The following TMEM108 variants were observed in gnomAD, a reference collection of about 807,000 sequenced individuals.
TMEM108 encodes the protein transmembrane protein 108, also known as cancer/testis antigen 124.
A neutral mutation model predicts 35.1 loss-of-function variants in TMEM108; 12 were observed. The ratio of observed to expected loss-of-function variants is 0.34; its 90% CI spans 0.22 to 0.55. TMEM108 has a LOEUF of 0.55. Among genes scored for constraint, TMEM108 ranks in the 20% least tolerant of loss-of-function variants. The pLI, the probability that TMEM108 is intolerant of heterozygous loss-of-function variation, is 0.89. For synonymous variants in TMEM108, 287 were observed against 308.6 expected, an observed-to-expected ratio of 0.93 and a Z score of 0.73; for missense variants, 680 against 753.3, an observed-to-expected ratio of 0.90 and a Z score of 1.14.
At chr3:133,260,508 C>A (rs1224733875) in intron 3 of TMEM108, among the ~76,000 whole-genome samples, 2 of 152,066 alleles carry the variant, frequency 1.3e-5, no homozygotes, top group Non-Finnish European at 2.9e-5. Context: ...GAAGTAGGGA[C>A]CTGCCTGAGA....
In TMEM108 at chr3:133,156,917, G is replaced by A. The variant is rs142276687; in HGVS notation, c.-46-72349G>A. 3.6e-3 allele frequency among the ~76,000 whole-genome samples: 552 copies of A among 152,212 alleles called. 4 individuals are homozygous for A. The highest frequency in any genetic ancestry group is 0.012 in the African/African-American group (518 of 41,526). On this transcript the variant is annotated intron_variant, in intron 2 of 5. Transcript: ENST00000321871. ...AAGCCATGTGAAGCCTTAATTCACC[G>A]GGGGTCCCTTGAGTGCCTATGATGA...
At chr3:133,067,031 C>T (rs951381749) in intron 2 of TMEM108, among the ~76,000 whole-genome samples, 1 of 152,130 alleles carries the variant, frequency 6.6e-6, no homozygotes, top group African/African-American at 2.4e-5. Flanking sequence ...TACTACTTAT[C>T]CATTTCCTTA....
chr3:133,255,731 G>A (rs1194706545), intron 3 of TMEM108, among the ~76,000 whole-genome samples: 1 of 152,188 alleles, frequency 6.6e-6, no homozygotes, highest in South Asian at 2.1e-4. Context: ...GCTCACGCCT[G>A]TAATCCAAGC....
intron 4 of TMEM108, chr3:133,386,694 A>T: frequency 7.2e-7 from 1 of 1,391,468 alleles, no homozygotes; most frequent in Admixed American, 3.0e-5. Context: ...ACTAAATGGG[A>T]AAGGGAACAG....
chr3:133,199,176 T>C (rs1249636401), intron 2 of TMEM108, among the ~76,000 whole-genome samples: 1 of 152,206 alleles, frequency 6.6e-6, no homozygotes, highest in African/African-American at 2.4e-5. Flanking sequence ...GTTATTCTAG[T>C]TAGCCATTCG....
intron 1 of TMEM108, among the ~76,000 whole-genome samples, chr3:133,040,822 G>A (rs114681871): frequency 3.6e-3 from 544 of 152,308 alleles, no homozygotes; most frequent in Non-Finnish European, 6.2e-3. Flanking sequence ...TGCTTTCAAA[G>A]CAGCAACAAA....
Position 133,380,260 on chromosome 3 carries a change from C to A in TMEM108, c.549C>A (p.Val183=). ...RKGAGNSSRP[V]PPAPGGHSRS... ...GGGCTGGTAATTCATCACGCCCTGTCCCGCCTGCACCTGGTGGCCACTCCA... is the reference window on the plus strand; with the variant it reads ...GGGCTGGTAATTCATCACGCCCTGTACCGCCTGCACCTGGTGGCCACTCCA... Residue 183 remains valine, a synonymous_variant, in exon 4 of 6, where the codon GTC becomes GTA. Coordinates refer to ENST00000321871, the MANE Select transcript of TMEM108 (RefSeq NM_023943.4). This position sits in a 1 kb window ranked among gnomAD's most constrained non-coding sequence, Gnocchi z 5.3. The A allele has an allele frequency of 1.2e-6, 2 of 1,614,032 alleles. No individual in the cohort carries two copies. The highest frequency in any genetic ancestry group is 1.7e-6 in the Non-Finnish European group (2 of 1,179,982).
At chr3:133,159,544 C>T (rs1430423095) in intron 2 of TMEM108, among the ~76,000 whole-genome samples, 3 of 152,150 alleles carry the variant, frequency 2.0e-5, no homozygotes, top group Non-Finnish European at 4.4e-5. Context: ...TACAGGTTTA[C>T]GTTCAGATTT....
chr3:133,091,575 A>C (rs943119432), intron 2 of TMEM108, among the ~76,000 whole-genome samples: 1 of 152,240 alleles, frequency 6.6e-6, no homozygotes, highest in East Asian at 1.9e-4. Flanking sequence ...TTTACAAATT[A>C]ATTAGTATCA....
intron 2 of TMEM108, among the ~76,000 whole-genome samples, chr3:133,120,599 TG>T (rs1199547824): frequency 6.6e-6 from 1 of 152,202 alleles, no homozygotes; most frequent in African/African-American, 2.4e-5. Flanking sequence ...TCTCTCTTTA[TG>T]TTTGTGTCTA....
chr3:133,367,056 AT>A (rs999505479), intron 3 of TMEM108, among the ~76,000 whole-genome samples: 1 of 152,200 alleles, frequency 6.6e-6, no homozygotes, highest in African/African-American at 2.4e-5. Context: ...GTCAACTTTC[AT>A]TTAACCCAAA....
chr3:133,185,715 A>C (rs1466350602), intron 2 of TMEM108, among the ~76,000 whole-genome samples: 1 of 151,340 alleles, frequency 6.6e-6, no homozygotes, highest in Non-Finnish European at 1.5e-5. Context: ...CCCAAGAATG[A>C]GCAGGTGCCT....
At chr3:133,204,290 TTCTA>T (rs1945718028) in intron 2 of TMEM108, among the ~76,000 whole-genome samples, 1 of 151,892 alleles carries the variant, frequency 6.6e-6, no homozygotes, top group African/African-American at 2.4e-5. Context: ...TTTTTCATGT[TTCTA>T]TCTCCTTCAG....
At chr3:133,336,253 C>A (rs563649881) in intron 3 of TMEM108, among the ~76,000 whole-genome samples, 1 of 152,236 alleles carries the variant, frequency 6.6e-6, no homozygotes, top group East Asian at 1.9e-4. Flanking sequence ...TTTCCCCCAA[C>A]CTAAGGGTTG....
chr3:133,217,392 T>G (rs4599306), intron 2 of TMEM108, among the ~76,000 whole-genome samples: 1 of 151,996 alleles, frequency 6.6e-6, no homozygotes, highest in African/African-American at 2.4e-5. Flanking sequence ...ATAACTCTGT[T>G]GATTGTTTCT....
At chr3:133,079,433 G>A (rs918254454) in intron 2 of TMEM108, among the ~76,000 whole-genome samples, 2 of 152,188 alleles carry the variant, frequency 1.3e-5, no homozygotes, top group African/African-American at 4.8e-5. Context: ...TCTTACAGTT[G>A]TGTAGGCTGG....
At chr3:133,152,868 A>C (rs1032553188) in intron 2 of TMEM108, among the ~76,000 whole-genome samples, 3 of 152,150 alleles carry the variant, frequency 2.0e-5, no homozygotes, top group Non-Finnish European at 4.4e-5. Context: ...TTAATTAAAA[A>C]ACAACTGACA....
Position 133,100,919 on chromosome 3 carries a change from A to G in TMEM108, c.-47+54899A>G, listed in dbSNP as rs190377118. On this transcript the variant is annotated intron_variant, in intron 2 of 5. Transcript: ENST00000321871. ...AGCTTTATTTTGTGTATGTATCTAG[A>G]TATTTATTTCTAGTTGTGTGTATAA... 2.0e-3 allele frequency among the ~76,000 whole-genome samples: 303 copies of G among 152,288 alleles called. 3 individuals are homozygous for G. Among genetic ancestry groups the G allele is most frequent in the African/African-American group, 7.2e-3 (298 of 41,564 alleles).
chr3:133,354,848 A>G (rs2072113774), intron 3 of TMEM108, among the ~76,000 whole-genome samples: 1 of 151,094 alleles, frequency 6.6e-6, no homozygotes, highest in South Asian at 2.1e-4. Context: ...TTTTTCCTTT[A>G]CACATTCCTT....
Sources: gnomAD v4.1 joint callset for allele counts (sites outside exome capture counted in the v4.1 genomes callset) on GRCh38, gnomAD v4.1.1 for gene constraint, Gnocchi (gnomAD v3.1) non-coding constraint, MANE v1.5 for transcripts, NCBI Gene and HGNC (gene_info 2026-07-23, HGNC 2026-07-21) for gene names.